The following TNFSF11 variants were observed in gnomAD, a reference collection of about 807,000 sequenced individuals.
TNFSF11 encodes tumor necrosis factor ligand superfamily member 11.
Under a neutral mutation model 32.2 loss-of-function variants are expected in TNFSF11, and 12 were observed. That is an observed-to-expected ratio of 0.37 (90% CI 0.24 to 0.60). The LOEUF (loss-of-function observed/expected upper bound fraction) is 0.60. TNFSF11 is among the 20% of genes least tolerant of loss of function. The pLI, the probability that TNFSF11 is intolerant of heterozygous loss-of-function variation, is 0.66. For missense variants in TNFSF11, 345 were observed against 398.0 expected, an observed-to-expected ratio of 0.87 and a Z score of 1.13; for synonymous variants, 172 against 152.1, an observed-to-expected ratio of 1.13 and a Z score of -0.96.
At chr13:42,572,478 G>A (rs981688852), upstream of TNFSF11, among the ~76,000 whole-genome samples, 1 of 152,090 alleles carries the variant, frequency 6.6e-6, no homozygotes, top group Non-Finnish European at 1.5e-5. Flanking sequence ...AGCAGGGAGA[G>A]AATGAGGAAG....
At chr13:42,581,804 T>C (rs1204273406) in intron 2 of TNFSF11, among the ~76,000 whole-genome samples, 1 of 152,178 alleles carries the variant, frequency 6.6e-6, no homozygotes, top group Non-Finnish European at 1.5e-5. Flanking sequence ...GGAAACAATG[T>C]GAGATGGAGA....
At chr13:42,578,616 C>G (rs186535492) in intron 1 of TNFSF11, among the ~76,000 whole-genome samples, 5 of 152,206 alleles carry the variant, frequency 3.3e-5, no homozygotes, top group Admixed American at 3.3e-4. Context: ...CATATTTTAG[C>G]TATAATGCTG....
chr13:42,582,860 C>A (rs776734348), intron 2 of TNFSF11, among the ~76,000 whole-genome samples: 17 of 152,304 alleles, frequency 1.1e-4, no homozygotes, highest in Non-Finnish European at 2.2e-4. Flanking sequence ...ACTGAGTAAT[C>A]TGTCTTTAAA....
At chr13:42,603,613 C>T (rs1268940578) in intron 4 of TNFSF11, among the ~76,000 whole-genome samples, 2 of 152,132 alleles carry the variant, frequency 1.3e-5, no homozygotes, top group African/African-American at 4.8e-5. Context: ...CCATCCAAGT[C>T]TGACCCAAGG....
chr13:42,599,212 A>G (rs1191209336), intron 2 of TNFSF11, among the ~76,000 whole-genome samples: 1 of 152,180 alleles, frequency 6.6e-6, no homozygotes, highest in Non-Finnish European at 1.5e-5. Flanking sequence ...GTAGATTCTT[A>G]TCTCTCTCTC....
upstream of TNFSF11, chr13:42,571,465 C>A (rs1873066244): frequency 6.6e-6 from 1 of 152,020 alleles, no homozygotes; most frequent in Admixed American, 6.6e-5. Flanking sequence ...ACCTCCTGGG[C>A]TCAAACAATC....
chr13:42,563,285 C>T (rs1872738671), intron 1 of TNFSF11, among the ~76,000 whole-genome samples: 3 of 152,180 alleles, frequency 2.0e-5, no homozygotes. Context: ...TTGTTATTAA[C>T]TTGGGCCTCC....
chr13:42,595,526 T>C (rs925310642), intron 2 of TNFSF11, among the ~76,000 whole-genome samples: 1 of 152,088 alleles, frequency 6.6e-6, no homozygotes, highest in Non-Finnish European at 1.5e-5. Context: ...GAGAAGAAAA[T>C]AGGGGCGTCC....
At chr13:42,575,783 A>C (rs967182520) in intron 1 of TNFSF11, among the ~76,000 whole-genome samples, 2 of 152,238 alleles carry the variant, frequency 1.3e-5, no homozygotes, top group Non-Finnish European at 2.9e-5. Flanking sequence ...TGTTGTTTCT[A>C]AAAAGACAAC....
At position 42,579,069 on chromosome 13, in the gene TNFSF11, C is replaced by T. The variant is rs76519934; in HGVS notation, c.220-2057C>T. 8.2e-3 allele frequency among the ~76,000 whole-genome samples: 1,244 copies of T among 152,084 alleles called. 14 individuals are homozygous for T. The highest frequency in any genetic ancestry group is 0.011 in the Non-Finnish European group (764 of 67,996). On this transcript the variant is annotated intron_variant, in intron 1 of 4. Transcript: ENST00000398795. ...TTCTAGCAAGCCCTCAGGGAGCCCA[C>T]GATGCTACTCATTGGACTACCCTGA...
intron 1 of TNFSF11, among the ~76,000 whole-genome samples, chr13:42,579,170 A>T (rs1176218767): frequency 6.6e-6 from 1 of 152,034 alleles, no homozygotes; most frequent in African/African-American, 2.4e-5. Context: ...AGGAGGGAGG[A>T]TTGCTTAAGC....
chr13:42,566,066 T>C (rs933301644), intron 1 of TNFSF11, among the ~76,000 whole-genome samples: 2 of 152,202 alleles, frequency 1.3e-5, no homozygotes, highest in African/African-American at 4.8e-5. Flanking sequence ...ACGGGCCAAC[T>C]TCTGGACAAA....
chr13:42,591,625 G>T (rs1448350863), intron 2 of TNFSF11, among the ~76,000 whole-genome samples: 1 of 152,160 alleles, frequency 6.6e-6, no homozygotes, highest in East Asian at 1.9e-4. Context: ...AAGGAACCAG[G>T]GGTCACCAGC....
At chr13:42,583,618 A>T (rs1027109996) in intron 2 of TNFSF11, among the ~76,000 whole-genome samples, 1 of 151,942 alleles carries the variant, frequency 6.6e-6, no homozygotes. Context: ...ACAGAACTGG[A>T]TGGATTCTTG....
chr13:42,596,336 C>T (rs190272420), intron 2 of TNFSF11, among the ~76,000 whole-genome samples: 141 of 152,206 alleles, frequency 9.3e-4, no homozygotes, highest in African/African-American at 3.3e-3. Flanking sequence ...TCTGATGTCC[C>T]GGCTCCTTTT....
At chr13:42,580,266 A>G (rs1375087412) in intron 1 of TNFSF11, among the ~76,000 whole-genome samples, 1 of 152,230 alleles carries the variant, frequency 6.6e-6, no homozygotes, top group Admixed American at 6.5e-5. Context: ...AGGAGCAGGC[A>G]GACAATTTTA....
intron 2 of TNFSF11, among the ~76,000 whole-genome samples, chr13:42,596,428 C>A (rs932852196): frequency 6.6e-6 from 1 of 152,184 alleles, no homozygotes; most frequent in Admixed American, 6.5e-5. Flanking sequence ...GGGAGGGAGT[C>A]ACGCTAGGGA....
chr13:42,596,074 T>C (rs1868793128), intron 2 of TNFSF11, among the ~76,000 whole-genome samples: 1 of 152,156 alleles, frequency 6.6e-6, no homozygotes, highest in Non-Finnish European at 1.5e-5. Context: ...ATGAAAAATA[T>C]TAGGGGGCTA....
intron 1 of TNFSF11, among the ~76,000 whole-genome samples, chr13:42,565,596 G>A (rs572847570): frequency 1.3e-5 from 2 of 152,232 alleles, no homozygotes; most frequent in South Asian, 2.1e-4. Context: ...ATAGTATGAT[G>A]TACAAGAAAA....
Sources: gnomAD v4.1 joint callset for allele counts (sites outside exome capture counted in the v4.1 genomes callset) on GRCh38, gnomAD v4.1.1 for gene constraint, MANE v1.5 for transcripts, NCBI Gene and HGNC (gene_info 2026-07-23, HGNC 2026-07-21) for gene names.